The following IL1RAPL1 variants were observed in gnomAD, a reference collection of about 807,000 sequenced individuals.
The protein encoded by IL1RAPL1 is interleukin-1 receptor accessory protein-like 1.
A neutral mutation model predicts 48.4 loss-of-function variants in IL1RAPL1; 3 were observed. The observed-to-expected ratio is 0.06, with a 90% CI of 0.03 to 0.16. The LOEUF is 0.16. IL1RAPL1 is among the 10% of genes least tolerant of loss of function. IL1RAPL1 has a pLI of 1.00. For synonymous variants in IL1RAPL1, 185 were observed against 187.7 expected (o/e 0.99, Z 0.12); for missense variants, 349 against 530.6 (o/e 0.66, Z 3.36).
chrX:28,628,258 C>G (rs940753968), intron 1 of IL1RAPL1, among the ~76,000 whole-genome samples: 11 of 111,914 alleles, frequency 9.8e-5, no homozygotes, highest in Non-Finnish European at 2.1e-4. Flanking sequence ...CTGCTGCAAT[C>G]TATTAACCAA....
intron 2 of IL1RAPL1, among the ~76,000 whole-genome samples, chrX:28,808,995 C>T (rs1248949675): frequency 7.2e-5 from 8 of 110,366 alleles, no homozygotes; most frequent in Admixed American, 1.9e-4. Context: ...TATTTGGAAA[C>T]GTGCAAATGA....
chrX:28,918,109 T>C (rs1311055616), intron 2 of IL1RAPL1, among the ~76,000 whole-genome samples: 10 of 112,610 alleles, frequency 8.9e-5, no homozygotes, highest in African/African-American at 2.9e-4. Flanking sequence ...TTTAAACATA[T>C]TGACAGTCAA....
chrX:29,638,956 A>G (rs1389484045), intron 5 of IL1RAPL1, among the ~76,000 whole-genome samples: 2 of 111,530 alleles, frequency 1.8e-5, no homozygotes, highest in African/African-American at 6.5e-5. Context: ...GGAGGCTGAG[A>G]CGGGTAGATC....
At chrX:29,417,473 G>T (rs1934231778) in intron 5 of IL1RAPL1, among the ~76,000 whole-genome samples, 1 of 111,494 alleles carries the variant, frequency 9.0e-6, no homozygotes, top group African/African-American at 3.3e-5. Context: ...AAGACATTAT[G>T]AATTCTATGT....
intron 6 of IL1RAPL1, among the ~76,000 whole-genome samples, chrX:29,793,857 T>C (rs1303143907): frequency 8.9e-6 from 1 of 112,317 alleles, no homozygotes; most frequent in Non-Finnish European, 1.9e-5. Flanking sequence ...TAGCACTAAA[T>C]CTTTTTCTCA....
At chrX:29,078,222 A>T (rs1332011481) in intron 2 of IL1RAPL1, among the ~76,000 whole-genome samples, 1 of 112,128 alleles carries the variant, frequency 8.9e-6, no homozygotes, top group Non-Finnish European at 1.9e-5. Flanking sequence ...CATTGAGGCA[A>T]GATCGTGCCA....
At chrX:29,324,811 G>T (rs1341007775) in intron 3 of IL1RAPL1, among the ~76,000 whole-genome samples, 1 of 111,111 alleles carries the variant, frequency 9.0e-6, no homozygotes, top group Non-Finnish European at 1.9e-5. Flanking sequence ...TCACTTTGGG[G>T]TACTGCTTCC....
intron 5 of IL1RAPL1, among the ~76,000 whole-genome samples, chrX:29,610,786 GC>G (rs1025976392): frequency 1.8e-5 from 2 of 112,336 alleles, no homozygotes; most frequent in African/African-American, 6.5e-5. Flanking sequence ...AGGAGCCGGG[GC>G]AAGCACTTTT....
In IL1RAPL1 at chrX:29,711,069, TAC is replaced by T. The variant is rs745317897; in HGVS notation, c.778+42585_778+42586del. ...GTGTGTGTGTGTGTGTGTGTGTGTA[TAC>T]ACACACACACACACACACAGATATA... is the stretch of plus-strand genomic sequence containing the variant. On this transcript the variant is annotated intron_variant, in intron 6 of 10. Transcript: ENST00000378993. Among the ~76,000 whole-genome samples the T allele has an allele frequency of 8.5e-3, 738 of 86,417 alleles. 6 individuals carry two copies. The highest frequency in any genetic ancestry group is 0.028 in the African/African-American group (682 of 23,932). The allele number at this position is 86,417 out of a possible 115,157, so 75.0% of individuals were successfully genotyped here.
intron 3 of IL1RAPL1, among the ~76,000 whole-genome samples, chrX:29,333,291 C>T (rs1932910561): frequency 9.2e-6 from 1 of 108,898 alleles, no homozygotes; most frequent in Non-Finnish European, 1.9e-5. Context: ...ACCCCCCCCA[C>T]CATCCTCCCG....
At chrX:28,634,315 T>TTA (rs201831285) in intron 1 of IL1RAPL1, among the ~76,000 whole-genome samples, 2,842 of 108,106 alleles carry the variant, frequency 0.026, 85 homozygotes, top group African/African-American at 0.09. Context: ...TTTTGGTTAT[T>TTA]TATATATATA....
chrX:29,871,390 G>A (rs929847702), intron 6 of IL1RAPL1, among the ~76,000 whole-genome samples: 4 of 112,257 alleles, frequency 3.6e-5, no homozygotes, highest in African/African-American at 1.3e-4. Context: ...AAACCATTGA[G>A]AACAGATGAG....
intron 6 of IL1RAPL1, among the ~76,000 whole-genome samples, chrX:29,701,040 A>G (rs1341817519): frequency 8.9e-6 from 1 of 112,073 alleles, no homozygotes; most frequent in Non-Finnish European, 1.9e-5. Context: ...CAGAGAAAGG[A>G]GAACTGAAAT....
chrX:29,741,650 G>T (rs1928199672), intron 6 of IL1RAPL1, among the ~76,000 whole-genome samples: 1 of 109,886 alleles, frequency 9.1e-6, no homozygotes, highest in African/African-American at 3.3e-5. Context: ...GCTGGGTGCG[G>T]TGGCTCACAC....
At chrX:29,277,514 A>G (rs1932138355) in intron 2 of IL1RAPL1, among the ~76,000 whole-genome samples, 1 of 111,943 alleles carries the variant, frequency 8.9e-6, no homozygotes, top group Non-Finnish European at 1.9e-5. Flanking sequence ...AGGAAGAGCA[A>G]CCCTTATGAA....
chrX:29,889,607 A>G (rs1253871340), intron 6 of IL1RAPL1, among the ~76,000 whole-genome samples: 2 of 111,992 alleles, frequency 1.8e-5, no homozygotes, highest in East Asian at 5.6e-4. Context: ...TTTAGAAGAT[A>G]TATGTGTATG....
In IL1RAPL1 at chrX:29,941,701, C is replaced by A; in HGVS notation, c.1108C>A (p.Leu370Met). The part of the protein sequence containing the change: ...LAGGLGAILL[L>M]LVCLVTIYKC... ...TGGAGGCCTTGGTGCTATACTCTTGCTGCTTGTATGTTTGGTGACCATCTA... is the reference window on the plus strand; with the variant it reads ...TGGAGGCCTTGGTGCTATACTCTTGATGCTTGTATGTTTGGTGACCATCTA... Residue 370 changes from leucine to methionine, a missense_variant, in exon 9 of 11, where the codon CTG becomes ATG. Around this residue, in one of 3 missense-constraint regions of IL1RAPL1, gnomAD observed 238 missense variants for 337.8 expected, o/e 0.70. Coordinates refer to ENST00000378993, the MANE Select transcript of IL1RAPL1 (RefSeq NM_014271.4). 8.3e-7 allele frequency: 1 copy of A among 1,207,099 alleles called. No individual in the cohort carries two copies.
chrX:29,286,868 T>G (rs1362940114), intron 3 of IL1RAPL1, among the ~76,000 whole-genome samples: 2 of 111,071 alleles, frequency 1.8e-5, no homozygotes, highest in Non-Finnish European at 3.8e-5. Flanking sequence ...GCACCCTATT[T>G]TTAATTAAAA....
At chrX:28,667,445 A>G (rs1035851492) in intron 1 of IL1RAPL1, among the ~76,000 whole-genome samples, 1 of 112,027 alleles carries the variant, frequency 8.9e-6, no homozygotes, top group African/African-American at 3.2e-5. Flanking sequence ...ATTCTTGTCT[A>G]CAGCTGCCTG....
Sources: gnomAD v4.1 joint callset for allele counts (sites outside exome capture counted in the v4.1 genomes callset) on GRCh38, gnomAD v4.1.1 for gene constraint, gnomAD v4.1.1 regional missense constraint, MANE v1.5 for transcripts, NCBI Gene and HGNC (gene_info 2026-07-23, HGNC 2026-07-21) for gene names.